The following SLC1A1 variants were observed in gnomAD, a reference collection of about 807,000 sequenced individuals.
The protein encoded by SLC1A1 is solute carrier family 1 member 1, also known as excitatory amino acid transporter 3.
Under a neutral mutation model 53.3 loss-of-function variants are expected in SLC1A1, and 43 were observed. That is an observed-to-expected ratio of 0.81 (90% CI 0.63 to 1.04). SLC1A1 has a LOEUF of 1.04. SLC1A1 is among the 50% of genes least tolerant of loss of function. SLC1A1 has a pLI of 0.00. For synonymous variants in SLC1A1, 307 were observed against 243.2 expected (o/e 1.26, Z -2.44); for missense variants, 748 against 664.9 (o/e 1.12, Z -1.37).
chr9:4,560,733 A>C (rs1818855080), intron 2 of SLC1A1, among the ~76,000 whole-genome samples: 1 of 152,062 alleles, frequency 6.6e-6, no homozygotes, highest in South Asian at 2.1e-4. Context: ...ATGATGACTC[A>C]CACCTGTAAT....
intron 1 of SLC1A1, among the ~76,000 whole-genome samples, chr9:4,539,482 A>G (rs1045309236): frequency 2.0e-5 from 3 of 152,042 alleles, no homozygotes; most frequent in Admixed American, 2.0e-4. Flanking sequence ...CTTCTCTTTT[A>G]AACTTTCATC....
intron 1 of SLC1A1, among the ~76,000 whole-genome samples, chr9:4,537,863 T>C (rs748833672): frequency 7.9e-5 from 12 of 152,208 alleles, no homozygotes; most frequent in South Asian, 2.1e-4. Flanking sequence ...TTGTACAACA[T>C]TGTATGTTAA....
intron 1 of SLC1A1, among the ~76,000 whole-genome samples, chr9:4,527,324 T>C (rs1266853004): frequency 6.6e-6 from 1 of 152,200 alleles, no homozygotes; most frequent in African/African-American, 2.4e-5. Flanking sequence ...TCCTGATCCA[T>C]GGAAATTTTG....
Position 4,537,325 on chromosome 9 carries a change from C to T in SLC1A1, c.92-7242C>T, listed in dbSNP as rs200998216. ...CTGTAATCCCAGCACTTTGGGAGGC[C>T]GAGGCGGGTGGATCATGAGGTCAGG... On this transcript the variant is annotated intron_variant, in intron 1 of 11. Coordinates refer to ENST00000262352, the MANE Select transcript of SLC1A1 (RefSeq NM_004170.6). 2.1e-4 allele frequency among the ~76,000 whole-genome samples: 8 copies of T among 37,910 alleles called. 2 individuals carry two copies. Among genetic ancestry groups the T allele is most frequent in the African/African-American group, 6.4e-4 (6 of 9,386 alleles). The allele number at this position is 37,910 out of a possible 152,430, so 24.9% of individuals were successfully genotyped here. A position where few individuals can be genotyped will look rare whatever the true frequency, so the allele number is the denominator to read the frequency against.
intron 1 of SLC1A1, among the ~76,000 whole-genome samples, chr9:4,531,458 G>A (rs983938227): frequency 6.6e-6 from 1 of 152,196 alleles, no homozygotes; most frequent in African/African-American, 2.4e-5. Flanking sequence ...CTCACTCATT[G>A]CTAGCACAGC....
At chr9:4,506,569 GAA>G (rs368321633) in intron 1 of SLC1A1, among the ~76,000 whole-genome samples, 1 of 147,806 alleles carries the variant, frequency 6.8e-6, no homozygotes, top group African/African-American at 2.5e-5. Flanking sequence ...TATTTATTTT[GAA>G]AAAAAAAAAT....
chr9:4,555,710 G>C (rs1818310115), intron 2 of SLC1A1, among the ~76,000 whole-genome samples: 1 of 152,134 alleles, frequency 6.6e-6, no homozygotes, highest in South Asian at 2.1e-4. Context: ...ACAGGGAACT[G>C]GAATCGTGCT....
intron 1 of SLC1A1, among the ~76,000 whole-genome samples, chr9:4,507,889 A>C (rs17755472): frequency 0.034 from 5,112 of 152,228 alleles, 136 homozygotes; most frequent in South Asian, 0.059. Flanking sequence ...ATGGCTTCCT[A>C]AGATTGTGTA....
At chr9:4,552,633 G>C (rs778376253) in intron 2 of SLC1A1, among the ~76,000 whole-genome samples, 12 of 152,070 alleles carry the variant, frequency 7.9e-5, no homozygotes, top group Non-Finnish European at 1.2e-4. Context: ...ACCTGAATAA[G>C]TATCCATCCT....
chr9:4,522,374 C>T (rs935101002), intron 1 of SLC1A1, among the ~76,000 whole-genome samples: 1 of 151,988 alleles, frequency 6.6e-6, no homozygotes, highest in Non-Finnish European at 1.5e-5. Flanking sequence ...TAACAAGACC[C>T]CAAGGTGATT....
chr9:4,521,160 T>C (rs1473078820), intron 1 of SLC1A1, among the ~76,000 whole-genome samples: 1 of 152,246 alleles, frequency 6.6e-6, no homozygotes, highest in Non-Finnish European at 1.5e-5. Flanking sequence ...CTTTATGTAT[T>C]CTAGACCCTT....
rs1342263635 is a variant in SLC1A1, at chr9:4,552,440, T to C, written c.232+7733T>C. 3.9e-5 allele frequency among the ~76,000 whole-genome samples: 6 copies of C among 151,984 alleles called. No homozygotes were observed. In the East Asian group the frequency reaches 1.2e-3, roughly 29 times the overall value. On this transcript the variant is annotated intron_variant, in intron 2 of 11. Transcript: ENST00000262352. ...TCTTTGTCCTCCCAAAATAGCATCT[T>C]GGGAGGACAGTGAGACTTGAAGTGC...
chr9:4,571,957 A>G (rs1820099648), intron 6 of SLC1A1, among the ~76,000 whole-genome samples: 1 of 152,236 alleles, frequency 6.6e-6, no homozygotes, highest in African/African-American at 2.4e-5. Flanking sequence ...AATCTTTATA[A>G]GAAATATTCA....
chr9:4,530,557 T>C (rs1816430621), intron 1 of SLC1A1, among the ~76,000 whole-genome samples: 1 of 152,186 alleles, frequency 6.6e-6, no homozygotes, highest in Non-Finnish European at 1.5e-5. Context: ...TCAACTTTTC[T>C]TCTGAGTCAG....
intron 1 of SLC1A1, among the ~76,000 whole-genome samples, chr9:4,506,605 T>C (rs2130807428): frequency 6.6e-6 from 1 of 152,224 alleles, no homozygotes; most frequent in East Asian, 1.9e-4. Context: ...TACTTTTGCT[T>C]AAGTGGAAAT....
intron 1 of SLC1A1, among the ~76,000 whole-genome samples, chr9:4,518,767 C>T (rs1275736534): frequency 6.6e-6 from 1 of 152,200 alleles, no homozygotes; most frequent in East Asian, 1.9e-4. Context: ...GATGGCTCCA[C>T]TCCCTGAGGG....
At chr9:4,577,383 G>C (rs557205249) in intron 10 of SLC1A1, among the ~76,000 whole-genome samples, 1 of 152,344 alleles carries the variant, frequency 6.6e-6, no homozygotes, top group East Asian at 1.9e-4. Flanking sequence ...AAACGAATGA[G>C]GAGGCAGGGG....
At chr9:4,559,450 G>T (rs1033317559) in intron 2 of SLC1A1, among the ~76,000 whole-genome samples, 1 of 146,762 alleles carries the variant, frequency 6.8e-6, no homozygotes, top group Non-Finnish European at 1.5e-5. Context: ...GAAATGACTT[G>T]TTCTGTCATC....
rs183049237 is a variant in SLC1A1 at position 4,537,069 on chromosome 9, G to A, written c.92-7498G>A. ...GGAGTGGGGGGAGGAGGGAGGGATA[G>A]CATTAGGAGATATACCTAATGTTAA... On this transcript the variant is annotated intron_variant, in intron 1 of 11. Transcript: ENST00000262352. Among the ~76,000 whole-genome samples the A allele has an allele frequency of 6.6e-5, 10 of 152,156 alleles. No homozygotes were observed. The East Asian group carries it at 1.9e-3, about 29-fold the overall frequency.
Sources: allele counts gnomAD v4.1 joint callset (sites outside exome capture counted in the v4.1 genomes callset), GRCh38; gene constraint gnomAD v4.1.1; transcripts MANE v1.5; gene names NCBI Gene and HGNC (gene_info 2026-07-23, HGNC 2026-07-21).